Variants in PRR5 observed in about 807,000 individuals in gnomAD.
The protein encoded by PRR5 is proline-rich protein 5.
PRR5 carries 25 observed loss-of-function variants against 30.6 expected under a neutral mutation model. The observed-to-expected ratio is 0.82, with a 90% CI of 0.60 to 1.14. PRR5 has a LOEUF of 1.14. Among genes scored for constraint, PRR5 ranks in the 50% most tolerant of loss-of-function variants. The pLI is 0.00. For synonymous variants in PRR5, 286 were observed against 247.1 expected, an observed-to-expected ratio of 1.16 and a Z score of -1.48; for missense variants, 600 against 547.1, an observed-to-expected ratio of 1.10 and a Z score of -0.96.
chr22:44,702,333 AC>A lies in PRR5; in HGVS notation c.-138del. On this transcript the variant is annotated 5_prime_UTR_variant, in exon 1 of 8. The change abolishes the stop of an existing upstream ORF in the 5' untranslated region. Coordinates refer to ENST00000336985, the MANE Select transcript of PRR5 (RefSeq NM_181333.4). ...GACGGAGGCGCGGGGCCGGGGCGGG[AC>A]CCCGCAGGACCGCTCGGCTTCCTGC... is the stretch of plus-strand genomic sequence containing the variant. 8.7e-7 allele frequency: 1 copy of A among 1,152,266 alleles called. No individual in the cohort carries two copies. Among genetic ancestry groups the A allele is most frequent in the Non-Finnish European group, 1.1e-6 (1 of 930,310 alleles). The allele number at this position is 1,152,266 out of a possible 1,614,324, so 71.4% of individuals were successfully genotyped here. A position where few individuals can be genotyped will look rare whatever the true frequency, so the allele number is the denominator to read the frequency against.
At position 44,735,146 on chromosome 22, in the gene PRR5, C is replaced by G; in HGVS notation, c.675C>G (p.Thr225=). Residue 225 remains threonine, a synonymous_variant, in exon 7 of 8, where the codon ACC becomes ACG. Transcript: ENST00000336985. The stretch of plus-strand genomic sequence containing the variant: ...TCCACTCCAGCGAGGGGCCCTTCAC[C>G]CATTCCTGCATCCTGGGTAGGGGTC... ...YGLHSSEGPF[T]HSCILEKRLL... 6.2e-7 allele frequency: 1 copy of G among 1,612,914 alleles called. No individual in the cohort carries two copies. The highest frequency in any genetic ancestry group is 2.2e-5 in the East Asian group (1 of 44,848).
At chr22:44,717,213 C>T (rs562252350) in intron 2 of PRR5, among the ~76,000 whole-genome samples, 2 of 97,870 alleles carry the variant, frequency 2.0e-5, no homozygotes, top group East Asian at 3.0e-4. Context: ...TTTTTTGAGA[C>T]GTAGTTTCAC....
At chr22:44,688,978 T>G (rs1329530847) in intron 1 of PRR5, among the ~76,000 whole-genome samples, 1 of 152,162 alleles carries the variant, frequency 6.6e-6, no homozygotes, top group Non-Finnish European at 1.5e-5. Flanking sequence ...TCTTATATCT[T>G]ATGTGTTATA....
upstream of PRR5, among the ~76,000 whole-genome samples, chr22:44,676,347 C>A (rs9626231): frequency 0.11 from 14,511 of 133,750 alleles, 908 homozygotes; most frequent in East Asian, 0.25. Context: ...GCTGTGATTG[C>A]GCCACTGCTT....
chr22:44,728,447 A>G (rs1287578337), intron 4 of PRR5, among the ~76,000 whole-genome samples: 1 of 152,198 alleles, frequency 6.6e-6, no homozygotes, highest in East Asian at 1.9e-4. Flanking sequence ...CTCACAGCCC[A>G]ATTGGGGACA....
chr22:44,713,310 T>C (rs1480037266), intron 1 of PRR5, among the ~76,000 whole-genome samples: 1 of 152,196 alleles, frequency 6.6e-6, no homozygotes, highest in African/African-American at 2.4e-5. Context: ...GAGGTAGAAA[T>C]GGGCTAGACT....
chr22:44,737,356 C>T lies in PRR5; in HGVS notation c.*109C>T, dbSNP rs760221370. On this transcript the variant is annotated 3_prime_UTR_variant, in exon 8 of 8. Coordinates refer to ENST00000336985, the MANE Select transcript of PRR5 (RefSeq NM_181333.4). ...TTTACTGCGTCCCGTCCCGCCAGCC[C>T]TATCGGCCTCGTCACTGGCCTTGGT... 2.2e-5 allele frequency: 32 copies of T among 1,451,058 alleles called. No homozygotes were observed. The highest frequency in any genetic ancestry group is 2.9e-5 in the Non-Finnish European group (32 of 1,103,324). 89.9% of individuals were successfully genotyped at this position (1,451,058 alleles called of 1,614,324 possible).
chr22:44,732,717 G>A (rs1252299865), intron 6 of PRR5, among the ~76,000 whole-genome samples: 4 of 149,068 alleles, frequency 2.7e-5, no homozygotes, highest in Admixed American at 6.6e-5. Flanking sequence ...CACATAGTAT[G>A]CACGTGCACA....
At chr22:44,683,301 G>C (rs566682402) in intron 1 of PRR5, among the ~76,000 whole-genome samples, 108 of 152,322 alleles carry the variant, frequency 7.1e-4, no homozygotes, top group African/African-American at 2.5e-3. Flanking sequence ...AATCCAAGTG[G>C]GCCAAGCCAG....
Position 44,677,502 on chromosome 22 carries a change from A to G in PRR5, c.-11+262A>G, listed in dbSNP as rs368840642. 3.0e-4 allele frequency among the ~76,000 whole-genome samples: 46 copies of G among 152,358 alleles called. 1 individual carries two copies. In the South Asian group the frequency reaches 9.1e-3, roughly 30 times the overall value. ...GCTTTCGATTTTTAGAGTAGCAGCA[A>G]TAACAAAAAACAGTAGCAGATGGCT... is the stretch of plus-strand genomic sequence containing the variant. On this transcript the variant is annotated intron_variant, in intron 1 of 8. Coordinates refer to the PRR5 transcript ENST00000006251.
At chr22:44,693,844 G>A (rs1223159111) in intron 1 of PRR5, among the ~76,000 whole-genome samples, 7 of 125,758 alleles carry the variant, frequency 5.6e-5, no homozygotes, top group African/African-American at 1.8e-4. Context: ...GGGTTTCACC[G>A]TGTTAGCCAG....
upstream of PRR5, among the ~76,000 whole-genome samples, chr22:44,699,122 C>G (rs1380156445): frequency 6.6e-6 from 1 of 152,220 alleles, no homozygotes; most frequent in East Asian, 1.9e-4. Flanking sequence ...TTAAAGATCT[C>G]TTTAAAATTC....
intron 3 of PRR5, 140 bp downstream of exon 3, chr22:44,725,432 T>C (rs1395579242): frequency 1.3e-5 from 15 of 1,136,594 alleles, no homozygotes; most frequent in Non-Finnish European, 1.4e-5. Flanking sequence ...CCTCGTTCCT[T>C]ATCTAGCCAC....
chr22:44,692,187 C>A (rs1161831621), intron 1 of PRR5, among the ~76,000 whole-genome samples: 1 of 142,828 alleles, frequency 7.0e-6, no homozygotes, highest in Non-Finnish European at 1.5e-5. Context: ...CTCCTCCACC[C>A]GGGGCTCCTC....
intron 1 of PRR5, chr22:44,668,917 C>G (rs2146914914): frequency 6.7e-6 from 1 of 149,810 alleles, no homozygotes; most frequent in East Asian, 2.0e-4. Context: ...GCGGTGCCGG[C>G]GGAGCGGCGC....
In PRR5 at chr22:44,725,268, G is replaced by T. The variant is rs761514470; in HGVS notation, c.240G>T (p.Gly80=). ...GVRQLLKTEL[G]SFFTEYLQNQ... ...GGCAGCTGTTGAAGACAGAGCTGGG[G>T]TCCTTCTTCACGGAGTACCTGCAGG... is the stretch of plus-strand genomic sequence containing the variant. Residue 80 remains glycine, a synonymous_variant, in exon 3 of 8, where the codon GGG becomes GGT. Coordinates refer to ENST00000336985, the MANE Select transcript of PRR5 (RefSeq NM_181333.4). 1.2e-6 allele frequency: 2 copies of T among 1,613,850 alleles called. No homozygotes were observed. The highest frequency in any genetic ancestry group is 2.2e-5 in the South Asian group (2 of 91,084).
At chr22:44,675,130 G>C (rs1601942299), upstream of PRR5, among the ~76,000 whole-genome samples, 1 of 141,146 alleles carries the variant, frequency 7.1e-6, no homozygotes. Flanking sequence ...GTCGCCTGTA[G>C]TCCCAGCTAC....
chr22:44,735,589 G>A (rs868184602), intron 7 of PRR5, among the ~76,000 whole-genome samples: 41 of 152,218 alleles, frequency 2.7e-4, no homozygotes, highest in African/African-American at 9.4e-4. Flanking sequence ...TGCTTGGCGC[G>A]TCCAGCACAG....
chr22:44,709,363 A>G (rs990514357), intron 1 of PRR5, among the ~76,000 whole-genome samples: 8 of 152,188 alleles, frequency 5.3e-5, no homozygotes, highest in Non-Finnish European at 8.8e-5. Flanking sequence ...TAAAAGGGAC[A>G]GAGATGCAGT....
Sources: gnomAD v4.1 joint callset for allele counts (sites outside exome capture counted in the v4.1 genomes callset) on GRCh38, gnomAD v4.1.1 for gene constraint, MANE v1.5 for transcripts, NCBI Gene and HGNC (gene_info 2026-07-23, HGNC 2026-07-21) for gene names.